Variants in ARHGAP26 observed in about 807,000 individuals in gnomAD.
ARHGAP26 encodes the protein rho GTPase-activating protein 26.
A neutral mutation model predicts 104.8 loss-of-function variants in ARHGAP26; 38 were observed. The observed-to-expected ratio is 0.36, with a 90% CI of 0.28 to 0.48. The LOEUF is 0.48. Ranked by LOEUF, ARHGAP26 falls within the 20% of genes least tolerant of loss-of-function variation. The probability of loss-of-function intolerance (pLI) is 0.99; values close to 1 mark genes in which losing one functional copy is unlikely to be tolerated. For synonymous variants in ARHGAP26, 341 were observed against 340.0 expected, an observed-to-expected ratio of 1.00 and a Z score of -0.03; for missense variants, 704 against 947.9, an observed-to-expected ratio of 0.74 and a Z score of 3.38.
At chr5:143,164,502 T>G (rs1369947796) in intron 20 of ARHGAP26, among the ~76,000 whole-genome samples, 2 of 152,254 alleles carry the variant, frequency 1.3e-5, no homozygotes, top group African/African-American at 4.8e-5. Context: ...CCCTGGTTCA[T>G]CATTTCAAAG....
chr5:142,888,838 C>G (rs992720951), intron 5 of ARHGAP26, among the ~76,000 whole-genome samples: 2 of 152,212 alleles, frequency 1.3e-5, no homozygotes, highest in East Asian at 3.8e-4. Flanking sequence ...AATGAAGGAT[C>G]TTCTTTCATG....
chr5:143,112,565 C>T (rs1324400176), intron 17 of ARHGAP26, among the ~76,000 whole-genome samples: 1 of 152,196 alleles, frequency 6.6e-6, no homozygotes, highest in Non-Finnish European at 1.5e-5. Context: ...ATCTCCATAA[C>T]TAATCTTGTA....
intron 5 of ARHGAP26, among the ~76,000 whole-genome samples, chr5:142,886,974 T>TATAC (rs1757798188): frequency 2.0e-5 from 3 of 152,232 alleles, no homozygotes; most frequent in Non-Finnish European, 2.9e-5. Flanking sequence ...CTCTCCAGTT[T>TATAC]CTAAGCAGGT....
intron 17 of ARHGAP26, chr5:143,103,228 A>G: frequency 2.0e-6 from 2 of 985,142 alleles, no homozygotes; most frequent in Non-Finnish European, 2.4e-6. Context: ...CTGGATCAGT[A>G]GACATGGGAA....
At chr5:142,922,344 T>C (rs1256818361) in intron 10 of ARHGAP26, among the ~76,000 whole-genome samples, 2 of 152,222 alleles carry the variant, frequency 1.3e-5, no homozygotes, top group African/African-American at 4.8e-5. Context: ...GGCAGTTTTG[T>C]GTATGTATTA....
At chr5:143,061,521 T>C (rs1786708256) in intron 17 of ARHGAP26, among the ~76,000 whole-genome samples, 2 of 152,198 alleles carry the variant, frequency 1.3e-5, no homozygotes, top group Admixed American at 6.5e-5. Context: ...CAAACCTGAG[T>C]CTTTTTCCTT....
intron 11 of ARHGAP26, among the ~76,000 whole-genome samples, chr5:142,988,123 C>G (rs1266351155): frequency 6.6e-6 from 1 of 152,132 alleles, no homozygotes; most frequent in Admixed American, 6.5e-5. Flanking sequence ...CCGTCTGATC[C>G]TGGACGTTTT....
chr5:142,771,935 A>G (rs547225465), intron 1 of ARHGAP26, among the ~76,000 whole-genome samples: 1 of 152,228 alleles, frequency 6.6e-6, no homozygotes, highest in East Asian at 1.9e-4. Flanking sequence ...CTCCCCATTT[A>G]AAAATAGCTC....
chr5:143,155,865 A>G (rs1000146418), intron 20 of ARHGAP26, among the ~76,000 whole-genome samples: 2 of 152,242 alleles, frequency 1.3e-5, no homozygotes, highest in African/African-American at 4.8e-5. Context: ...CCTGACATAC[A>G]CAGTACATGC....
intron 14 of ARHGAP26, among the ~76,000 whole-genome samples, chr5:143,047,105 C>A (rs933445632): frequency 9.2e-5 from 14 of 152,180 alleles, no homozygotes; most frequent in African/African-American, 2.4e-4. Flanking sequence ...CACAGATGCT[C>A]TATAACTTTT....
intron 15 of ARHGAP26, 93 bp downstream of exon 15, chr5:143,054,619 G>A: frequency 3.4e-6 from 3 of 894,302 alleles, no homozygotes. Context: ...GAGAGCTGTC[G>A]GGTGGGTGTT....
At chr5:143,162,109 A>T (rs1344979623) in intron 20 of ARHGAP26, among the ~76,000 whole-genome samples, 1 of 151,964 alleles carries the variant, frequency 6.6e-6, no homozygotes, top group East Asian at 1.9e-4. Context: ...CACAAGAGAG[A>T]TTTCTTCAAA....
At chr5:143,067,200 TTG>T (rs1460119147) in intron 17 of ARHGAP26, among the ~76,000 whole-genome samples, 1 of 152,188 alleles carries the variant, frequency 6.6e-6, no homozygotes, top group Non-Finnish European at 1.5e-5. Context: ...CCACTCATCT[TTG>T]TGATCTTTGA....
intron 11 of ARHGAP26, among the ~76,000 whole-genome samples, chr5:142,999,410 G>C (rs1776883325): frequency 6.6e-6 from 1 of 152,100 alleles, no homozygotes; most frequent in Non-Finnish European, 1.5e-5. Flanking sequence ...AAGGATATAT[G>C]AATCAATTTT....
chr5:143,075,534 C>G (rs1173400139), intron 17 of ARHGAP26, among the ~76,000 whole-genome samples: 2 of 152,082 alleles, frequency 1.3e-5, no homozygotes, highest in African/African-American at 4.8e-5. Context: ...CTGGGCCTCA[C>G]TCAAGATTTC....
chr5:143,219,292 G>T (rs1810830339), intron 22 of ARHGAP26, among the ~76,000 whole-genome samples: 1 of 152,186 alleles, frequency 6.6e-6, no homozygotes, highest in Non-Finnish European at 1.5e-5. Flanking sequence ...AGGATCAAAT[G>T]AATCAACATG....
intron 1 of ARHGAP26, among the ~76,000 whole-genome samples, chr5:142,840,519 T>C (rs1770555833): frequency 6.6e-6 from 1 of 152,218 alleles, no homozygotes; most frequent in South Asian, 2.1e-4. Flanking sequence ...TCTACTCTTA[T>C]GAACCTTCAA....
chr5:142,913,686 G>T (rs1762127025), intron 10 of ARHGAP26, among the ~76,000 whole-genome samples: 1 of 152,114 alleles, frequency 6.6e-6, no homozygotes, highest in African/African-American at 2.4e-5. Flanking sequence ...AACTGAAAAA[G>T]TTAGTATAAT....
chr5:143,178,174 A>G (rs1052734300), intron 20 of ARHGAP26, among the ~76,000 whole-genome samples: 2 of 151,150 alleles, frequency 1.3e-5, no homozygotes, highest in African/African-American at 2.4e-5. Flanking sequence ...TAATTTTTGT[A>G]TTTTCAGTAG....
Sources: allele counts gnomAD v4.1 joint callset (sites outside exome capture counted in the v4.1 genomes callset), GRCh38; gene constraint gnomAD v4.1.1; transcripts MANE v1.5; gene names NCBI Gene and HGNC (gene_info 2026-07-23, HGNC 2026-07-21).